The following SOX5 variants were observed in gnomAD, a reference collection of about 807,000 sequenced individuals.
SOX5 encodes SRY-box transcription factor 5.
In SOX5, 9 loss-of-function variants were observed where a neutral mutation model predicts 92.0. That is an observed-to-expected ratio of 0.10 (90% CI 0.06 to 0.17). The LOEUF (loss-of-function observed/expected upper bound fraction) is 0.17. Among genes scored for constraint, SOX5 ranks in the 10% least tolerant of loss-of-function variants. SOX5 has a pLI of 1.00. For synonymous variants in SOX5, 344 were observed against 336.3 expected (o/e 1.02, Z -0.25); for missense variants, 642 against 944.5 (o/e 0.68, Z 4.20).
At chr12:23,979,287 G>A (rs1281978409) in intron 4 of SOX5, among the ~76,000 whole-genome samples, 1 of 152,016 alleles carries the variant, frequency 6.6e-6, no homozygotes, top group African/African-American at 2.4e-5. Flanking sequence ...GCAATGGTGC[G>A]ATCTCAGCTC....
chr12:24,345,671 TATG>T (rs1375189030), intron 2 of SOX5, among the ~76,000 whole-genome samples: 3 of 152,182 alleles, frequency 2.0e-5, no homozygotes, highest in Admixed American at 6.5e-5. Flanking sequence ...TTGAAAGAAT[TATG>T]ATGATTGCAC....
rs71059931 is a variant in SOX5 at position 23,843,554 on chromosome 12, C to CTTTTTTT, written c.481+2422_481+2428dup. On this transcript the variant is annotated intron_variant, in intron 3 of 14. Transcript: ENST00000451604. ...TCAGAATATTTGACAGTCATTTCTCCTTTTTTTTTTTTTTTTTTTTTTTTT... is the reference window on the plus strand; with the variant it reads ...TCAGAATATTTGACAGTCATTTCTCCTTTTTTTTTTTTTTTTTTTTTTTTTTTTTTTT... Among the ~76,000 whole-genome samples, 139 of 71,332 alleles carry CTTTTTTT rather than the reference C, an allele frequency of 1.9e-3. 23 individuals carry two copies. The highest frequency in any genetic ancestry group is 7.7e-3 in the African/African-American group (129 of 16,702). 46.8% of individuals were successfully genotyped at this position (71,332 alleles called of 152,430 possible). A position where few individuals can be genotyped will look rare whatever the true frequency, so the allele number is the denominator to read the frequency against.
intron 4 of SOX5, among the ~76,000 whole-genome samples, chr12:24,066,382 A>G (rs373538933): frequency 4.6e-5 from 7 of 152,212 alleles, no homozygotes; most frequent in South Asian, 2.1e-4. Context: ...AAAATATTCT[A>G]TGATAGCTTC....
intron 2 of SOX5, among the ~76,000 whole-genome samples, chr12:24,339,129 T>C (rs1952259542): frequency 6.7e-6 from 1 of 149,704 alleles, no homozygotes; most frequent in Admixed American, 6.8e-5. Context: ...TCCCTGCCTG[T>C]CTGTCTCTGT....
chr12:23,915,458 G>T (rs1302153298), intron 1 of SOX5, among the ~76,000 whole-genome samples: 4 of 151,922 alleles, frequency 2.6e-5, no homozygotes, highest in Non-Finnish European at 5.9e-5. Context: ...TAGAATTCGT[G>T]GTGTGAAGCT....
chr12:23,739,409 T>C (rs1258277678), intron 5 of SOX5, among the ~76,000 whole-genome samples: 1 of 152,186 alleles, frequency 6.6e-6, no homozygotes, highest in Non-Finnish European at 1.5e-5. Flanking sequence ...CATAGAAGCC[T>C]TACTCTTCAA....
chr12:24,525,880 G>A (rs1033305393), intron 1 of SOX5, among the ~76,000 whole-genome samples: 4 of 151,856 alleles, frequency 2.6e-5, no homozygotes, highest in African/African-American at 9.7e-5. Context: ...TAGCCAGTAG[G>A]TATGAAGAAA....
intron 3 of SOX5, among the ~76,000 whole-genome samples, chr12:23,810,048 C>A (rs557297017): frequency 6.6e-6 from 1 of 152,006 alleles, no homozygotes; most frequent in Non-Finnish European, 1.5e-5. Flanking sequence ...TGAGTATTTT[C>A]GTGAAAGAGA....
rs148966646 is a variant in SOX5 at position 23,707,404 on chromosome 12, G to A, written c.810+27280C>T. ...AGCCCCTTAGTCTTGGCCATCCTGA[G>A]TGAATTAGTCTGAGTTTCAGGGAAC... On this transcript the variant is annotated intron_variant, in intron 6 of 14. Coordinates refer to ENST00000451604, the MANE Select transcript of SOX5 (RefSeq NM_006940.6). Among the ~76,000 whole-genome samples the A allele has an allele frequency of 2.2e-4, 34 of 152,242 alleles. No individual in the cohort carries two copies. The East Asian group carries it at 4.5e-3, about 20-fold the overall frequency.
chr12:23,674,059 G>A (rs1473932032), intron 6 of SOX5, among the ~76,000 whole-genome samples: 3 of 152,006 alleles, frequency 2.0e-5, no homozygotes, highest in South Asian at 2.1e-4. Flanking sequence ...TTTTATAAAG[G>A]GCTGTCACAT....
intron 4 of SOX5, among the ~76,000 whole-genome samples, chr12:24,017,324 T>A (rs1464042535): frequency 1.3e-5 from 2 of 152,128 alleles, no homozygotes; most frequent in East Asian, 3.9e-4. Flanking sequence ...ACAGGTTATG[T>A]GTGGTGGTTC....
At chr12:24,061,821 G>A (rs1939777802) in intron 4 of SOX5, among the ~76,000 whole-genome samples, 1 of 151,458 alleles carries the variant, frequency 6.6e-6, no homozygotes, top group Admixed American at 6.6e-5. Flanking sequence ...AAGCAAGAAT[G>A]GTTCCAGAGG....
chr12:24,095,182 G>GAGACAGAGAC (rs1945251985), intron 4 of SOX5, among the ~76,000 whole-genome samples: 1 of 151,746 alleles, frequency 6.6e-6, no homozygotes, highest in East Asian at 1.9e-4. Flanking sequence ...CAGAGACAGA[G>GAGACAGAGAC]AGAGAGAGAG....
chr12:24,302,108 G>A (rs1245955354), intron 2 of SOX5, among the ~76,000 whole-genome samples: 3 of 152,094 alleles, frequency 2.0e-5, no homozygotes, highest in African/African-American at 2.4e-5. Flanking sequence ...ACAACTGGGT[G>A]GGAAGTTCCC....
Position 23,674,336 on chromosome 12 carries a change from A to ATTTTTTTTTTTTTTTTTTTTTTTTTT in SOX5, c.811-8773_811-8772insAAAAAAAAAAAAAAAAAAAAAAAAAA, listed in dbSNP as rs34975795. ...AAATATTTTCTTACCATAAAAAGGA[A>ATTTTTTTTTTTTTTTTTTTTTTTTTT]TTTTTTTTTTTTTTTTTTGAGACGG... is the stretch of plus-strand genomic sequence containing the variant. On this transcript the variant is annotated intron_variant, in intron 6 of 14. Transcript: ENST00000451604. Among the ~76,000 whole-genome samples the ATTTTTTTTTTTTTTTTTTTTTTTTTT allele has an allele frequency of 2.9e-4, 28 of 97,378 alleles. 2 individuals are homozygous for ATTTTTTTTTTTTTTTTTTTTTTTTTT. The highest frequency in any genetic ancestry group is 8.5e-4 in the African/African-American group (20 of 23,632). 63.9% of individuals were successfully genotyped at this position (97,378 alleles called of 152,430 possible).
intron 1 of SOX5, among the ~76,000 whole-genome samples, chr12:24,483,115 C>T (rs770759948): frequency 3.3e-5 from 5 of 152,140 alleles, no homozygotes; most frequent in Non-Finnish European, 7.4e-5. Flanking sequence ...TTCAACAAAC[C>T]ACTCATTTGT....
chr12:23,864,360 A>G (rs1293757211), intron 2 of SOX5, among the ~76,000 whole-genome samples: 1 of 152,142 alleles, frequency 6.6e-6, no homozygotes, highest in East Asian at 1.9e-4. Context: ...TTCAAGTAAA[A>G]GGATGGGTTG....
chr12:24,458,650 T>G (rs533385420), intron 1 of SOX5, among the ~76,000 whole-genome samples: 2 of 152,330 alleles, frequency 1.3e-5, no homozygotes, highest in African/African-American at 4.8e-5. Flanking sequence ...AAGTGTGATC[T>G]GGGAACCAGC....
chr12:24,445,810 C>G (rs1395666966), intron 1 of SOX5, among the ~76,000 whole-genome samples: 1 of 152,152 alleles, frequency 6.6e-6, no homozygotes, highest in African/African-American at 2.4e-5. Flanking sequence ...ACAGGGAGGG[C>G]TTGGACATTG....
Sources: gnomAD v4.1 joint callset for allele counts (sites outside exome capture counted in the v4.1 genomes callset) on GRCh38, gnomAD v4.1.1 for gene constraint, MANE v1.5 for transcripts, NCBI Gene and HGNC (gene_info 2026-07-23, HGNC 2026-07-21) for gene names.